KCNN2: variants seen among roughly 807,000 people sequenced by gnomAD.
KCNN2 encodes small conductance calcium-activated potassium channel protein 2.
In KCNN2, 24 loss-of-function variants were observed where a neutral mutation model predicts 55.5. The observed-to-expected ratio is 0.43, with a 90% CI of 0.31 to 0.61. The LOEUF (loss-of-function observed/expected upper bound fraction) is 0.61. Ranked by LOEUF, KCNN2 falls within the 20% of genes least tolerant of loss-of-function variation. The pLI, the probability that KCNN2 is intolerant of heterozygous loss-of-function variation, is 0.08. For synonymous variants in KCNN2, 431 were observed against 336.1 expected, an observed-to-expected ratio of 1.28 and a Z score of -3.09; for missense variants, 754 against 853.6, an observed-to-expected ratio of 0.88 and a Z score of 1.45.
intron 2 of KCNN2, among the ~76,000 whole-genome samples, chr5:114,317,731 G>A (rs1376542847): frequency 6.6e-6 from 1 of 152,160 alleles, no homozygotes; most frequent in Admixed American, 6.5e-5. Context: ...GGAGAACTCA[G>A]GTGACAATTC....
intron 4 of KCNN2, among the ~76,000 whole-genome samples, chr5:114,469,455 G>A (rs1761613913): frequency 6.6e-6 from 1 of 152,130 alleles, no homozygotes; most frequent in Non-Finnish European, 1.5e-5. Flanking sequence ...TTTTTTCTAA[G>A]AAGATAAATG....
intron 2 of KCNN2, among the ~76,000 whole-genome samples, chr5:114,324,758 C>T (rs1465363755): frequency 1.3e-5 from 2 of 152,128 alleles, no homozygotes; most frequent in African/African-American, 4.8e-5. Context: ...GTGAAAGTGG[C>T]TCTAGAATTG....
chr5:114,494,825 CTG>C (rs1256998667), intron 7 of KCNN2, among the ~76,000 whole-genome samples: 1 of 152,142 alleles, frequency 6.6e-6, no homozygotes, highest in African/African-American at 2.4e-5. Context: ...TCTGGTCAAA[CTG>C]AAACAAGGTG....
chr5:114,155,337 T>C lies in KCNN2; in HGVS notation c.-270-66143T>C, dbSNP rs1427018183. 2.6e-5 allele frequency among the ~76,000 whole-genome samples: 4 copies of C among 152,224 alleles called. No homozygotes were observed. The East Asian group carries it at 7.7e-4, about 29-fold the overall frequency. The stretch of plus-strand genomic sequence containing the variant: ...GTGTCATTGGTATTGTGAACAGTGC[T>C]GCAGTGAACATACATGTGCATCTGT... On this transcript the variant is annotated intron_variant, in intron 1 of 10. Coordinates refer to the KCNN2 transcript ENST00000512097.
At position 114,496,078 on chromosome 5, in the gene KCNN2, A is replaced by T; in HGVS notation, c.2272A>T (p.Ser758Cys). ...QRDFIEAQME[S>C]YDKHVTYNAE... ...AGATTTCATTGAGGCTCAGATGGAG[A>T]GCTACGACAAGCACGTCACTTACAA... The change falls in exon 8 of 8, where the codon AGC becomes TGC. Residue 758 changes from serine (S) to cysteine (C), a missense_variant. This residue lies in a region of KCNN2 where 164 missense variants were observed against 156.6 expected (regional missense o/e 1.05). Transcript: ENST00000673685. 1 of 1,614,042 alleles carries T rather than the reference A, an allele frequency of 6.2e-7. No individual in the cohort carries two copies. The highest frequency in any genetic ancestry group is 8.5e-7 in the Non-Finnish European group (1 of 1,179,982).
At chr5:114,220,305 G>C (rs547607443) in intron 1 of KCNN2, among the ~76,000 whole-genome samples, 2 of 152,128 alleles carry the variant, frequency 1.3e-5, no homozygotes, top group South Asian at 4.2e-4. Context: ...AGATAGCAAT[G>C]CTGGAAAAAA....
intron 3 of KCNN2, among the ~76,000 whole-genome samples, chr5:114,430,707 TTAACTGTAATTA>T (rs1759765770): frequency 6.6e-6 from 1 of 152,104 alleles, no homozygotes. Context: ...AAGTGTGATA[TTAACTGTAATTA>T]TAGCTGTAGG....
Position 114,126,099 on chromosome 5 carries a change from A to G in KCNN2, c.-271+69599A>G, listed in dbSNP as rs1468988737. The stretch of plus-strand genomic sequence containing the variant: ...TGTGATATTCTCCTGGTGTCTCTTC[A>G]CATCATTTTCCAGCTGTGAGCATCT... On this transcript the variant is annotated intron_variant, in intron 1 of 10. Coordinates refer to the KCNN2 transcript ENST00000512097. 2.0e-5 allele frequency among the ~76,000 whole-genome samples: 3 copies of G among 152,004 alleles called. No homozygotes were observed. In the East Asian group the frequency reaches 5.8e-4, roughly 29 times the overall value.
rs774521682 is a variant in KCNN2 at position 114,487,112 on chromosome 5, A to G, written c.1953A>G (p.Leu651=). ...ETWLIYKNTK[L]VKKIDHAKVR... ...GGCTAATTTACAAAAATACAAAGCT[A>G]GTGAAAAAGATAGATCATGCAAAAG... is the stretch of plus-strand genomic sequence containing the variant. The change falls in exon 6 of 8, where the codon CTA becomes CTG. Residue 651 remains leucine (L), a synonymous_variant. Transcript: ENST00000673685. The G allele has an allele frequency of 3.1e-6, 5 of 1,612,906 alleles. No homozygotes were observed. The highest frequency in any genetic ancestry group is 4.2e-6 in the Non-Finnish European group (5 of 1,179,076).
intron 3 of KCNN2, among the ~76,000 whole-genome samples, chr5:114,456,186 C>T (rs1385219067): frequency 6.6e-6 from 1 of 152,146 alleles, no homozygotes; most frequent in Non-Finnish European, 1.5e-5. Context: ...CATGAACTGT[C>T]TTGTTAGGTA....
At chr5:114,298,569 C>T (rs1449323037) in intron 2 of KCNN2, among the ~76,000 whole-genome samples, 1 of 152,192 alleles carries the variant, frequency 6.6e-6, no homozygotes, top group Non-Finnish European at 1.5e-5. Flanking sequence ...GTGAAAAAAA[C>T]AGGATCCAAA....
At chr5:114,355,693 T>C (rs143738371) in intron 2 of KCNN2, among the ~76,000 whole-genome samples, 155 of 152,268 alleles carry the variant, frequency 1.0e-3, no homozygotes, top group Non-Finnish European at 1.8e-3. Context: ...CCTGCAAGAC[T>C]GCAGACAAGT....
chr5:114,447,250 G>A (rs916699072), intron 3 of KCNN2, among the ~76,000 whole-genome samples: 10 of 152,344 alleles, frequency 6.6e-5, no homozygotes, highest in Middle Eastern at 3.4e-3. Flanking sequence ...CTGATTGGTA[G>A]AATGGAGGAG....
chr5:114,339,991 C>A (rs1328833118), intron 2 of KCNN2, among the ~76,000 whole-genome samples: 1 of 152,084 alleles, frequency 6.6e-6, no homozygotes, highest in Non-Finnish European at 1.5e-5. Flanking sequence ...TATAGCAGAA[C>A]TTTAGCTTGG....
chr5:114,197,017 C>T (rs1487038390), intron 1 of KCNN2, among the ~76,000 whole-genome samples: 2 of 151,990 alleles, frequency 1.3e-5, no homozygotes, highest in Non-Finnish European at 2.9e-5. Flanking sequence ...TAGCTGTACC[C>T]CATAGTTTTG....
chr5:114,448,538 T>A (rs566959638), intron 3 of KCNN2, among the ~76,000 whole-genome samples: 1 of 152,266 alleles, frequency 6.6e-6, no homozygotes, highest in South Asian at 2.1e-4. Context: ...GTGGGAAAAT[T>A]TAACTGGTAA....
At chr5:114,332,171 C>A (rs1404729879) in intron 2 of KCNN2, among the ~76,000 whole-genome samples, 1 of 152,134 alleles carries the variant, frequency 6.6e-6, no homozygotes. Flanking sequence ...ATATTCTCTT[C>A]CCTCAGGGAA....
At chr5:114,494,867 A>T (rs1178781983) in intron 7 of KCNN2, among the ~76,000 whole-genome samples, 1 of 152,172 alleles carries the variant, frequency 6.6e-6, no homozygotes, top group East Asian at 1.9e-4. Flanking sequence ...CTCCCTTATC[A>T]GTTCATTTAC....
At chr5:114,241,178 A>C (rs72797691) in intron 2 of KCNN2, among the ~76,000 whole-genome samples, 1 of 151,840 alleles carries the variant, frequency 6.6e-6, no homozygotes, top group Non-Finnish European at 1.5e-5. Flanking sequence ...CAAACAGTAA[A>C]TGTCTGGATA....
Sources: allele counts gnomAD v4.1 joint callset (sites outside exome capture counted in the v4.1 genomes callset), GRCh38; gene constraint gnomAD v4.1.1; regional missense constraint gnomAD v4.1.1; transcripts MANE v1.5; gene names NCBI Gene and HGNC (gene_info 2026-07-23, HGNC 2026-07-21).